CACNA1C: variants seen among roughly 807,000 people sequenced by gnomAD.
CACNA1C encodes the protein calcium voltage-gated channel subunit alpha1 C.
CACNA1C carries 30 observed loss-of-function variants against 229.0 expected under a neutral mutation model. The ratio of observed to expected loss-of-function variants is 0.13; its 90% CI spans 0.10 to 0.18. CACNA1C has a LOEUF of 0.18. Ranked by LOEUF, CACNA1C falls within the 10% of genes least tolerant of loss-of-function variation. The pLI is 1.00. For missense variants in CACNA1C, 1,658 were observed against 2,845.0 expected (o/e 0.58, Z 9.49); for synonymous variants, 1,114 against 1,132.5 (o/e 0.98, Z 0.33).
intron 1 of CACNA1C, among the ~76,000 whole-genome samples, chr12:2,094,327 A>G (rs1030598427): frequency 1.3e-5 from 2 of 152,148 alleles, no homozygotes; most frequent in African/African-American, 4.8e-5. Flanking sequence ...GTCCTAGCCC[A>G]TTAGCCACGT....
chr12:2,223,227 A>C lies in CACNA1C; in HGVS notation c.477+102797A>C, dbSNP rs4765904. ...AGAAGCTGTGTGGTGAATGGGTCCA[A>C]ACATAAGGGTTTGAGCCCCTGTTTT... On this transcript the variant is annotated intron_variant, in intron 3 of 46. Transcript: ENST00000399655. 0.36 allele frequency: 54,388 copies of C among 152,120 alleles called. 10,214 individuals are homozygous for C. The highest frequency in any genetic ancestry group is 0.44 in the African/African-American group (18,418 of 41,472). The allele number at this position is 152,120 out of a possible 1,614,324, so 9.4% of individuals were successfully genotyped here.
At chr12:2,350,324 C>G (rs375281070) in intron 3 of CACNA1C, among the ~76,000 whole-genome samples, 1 of 152,140 alleles carries the variant, frequency 6.6e-6, no homozygotes, top group Admixed American at 6.5e-5. Flanking sequence ...GCTGCTGAAG[C>G]CTTTACTTCC....
intron 3 of CACNA1C, among the ~76,000 whole-genome samples, chr12:2,239,369 G>C (rs1001680972): frequency 3.9e-5 from 6 of 151,984 alleles, no homozygotes; most frequent in African/African-American, 1.5e-4. Context: ...CACACACACA[G>C]GCTTCATCTC....
At chr12:2,356,102 C>A (rs2097353989) in intron 3 of CACNA1C, among the ~76,000 whole-genome samples, 1 of 152,228 alleles carries the variant, frequency 6.6e-6, no homozygotes, top group African/African-American at 2.4e-5. Flanking sequence ...AGCTGCCCTG[C>A]AGATCGTTAG....
rs575804870 is a variant in CACNA1C, at chr12:2,448,807, G to A, written c.478-169G>A. ...ATCCCCAGTAGCTTGGTGCTGTCGC[G>A]GTAGAGCAGGTCGTGGAGTTGCTAA... On this transcript the variant is annotated intron_variant, in intron 3 of 46. Coordinates refer to ENST00000399655, the MANE Select transcript of CACNA1C (RefSeq NM_000719.7). Among the ~76,000 whole-genome samples the A allele has an allele frequency of 4.6e-5, 7 of 151,826 alleles. No individual in the cohort carries two copies. In the East Asian group the frequency reaches 5.8e-4, roughly 13 times the overall value.
chr12:2,033,909 G>GTTCCGAGAGAAGCACTGAC (rs2048657282), intron 1 of CACNA1C, among the ~76,000 whole-genome samples: 1 of 152,246 alleles, frequency 6.6e-6, no homozygotes, highest in African/African-American at 2.4e-5. Flanking sequence ...CTGGCAGCAT[G>GTTCCGAGAGAAGCACTGAC]TTCCGAGAGA....
intron 1 of CACNA1C, among the ~76,000 whole-genome samples, chr12:2,110,103 C>T (rs1290676991): frequency 6.6e-6 from 1 of 152,230 alleles, no homozygotes; most frequent in African/African-American, 2.4e-5. Flanking sequence ...CAGCACCAAG[C>T]CCCTCACTCA....
Position 2,597,113 on chromosome 12 carries a change from AG to A in CACNA1C, c.2794-115del. ...GTCCCTGTGCAAAGGCTTAAGTGCC[AG>A]GCATCTCATTTTGAAGTGTGGCCCC... On this transcript the variant is annotated intron_variant, in intron 20 of 46. Transcript: ENST00000399655. The surrounding 1 kb of genome is among the most constrained non-coding windows in gnomAD (Gnocchi z 4.3). 3 of 705,446 alleles carry A rather than the reference AG, an allele frequency of 4.3e-6. No individual in the cohort carries two copies. 43.7% of individuals were successfully genotyped at this position (705,446 alleles called of 1,614,324 possible).
intron 8 of CACNA1C, among the ~76,000 whole-genome samples, chr12:2,510,385 T>C (rs1469660244): frequency 1.3e-5 from 2 of 152,150 alleles, no homozygotes; most frequent in African/African-American, 4.8e-5. Context: ...CCAGCCATGC[T>C]CCAGATCTGA....
chr12:2,202,334 T>C (rs2097602892), intron 3 of CACNA1C, among the ~76,000 whole-genome samples: 1 of 152,228 alleles, frequency 6.6e-6, no homozygotes, highest in Non-Finnish European at 1.5e-5. Flanking sequence ...TTTGTGTCTT[T>C]TTCCTAATTT....
chr12:2,009,658 G>C (rs573024370), intron 1 of CACNA1C, among the ~76,000 whole-genome samples: 1 of 152,210 alleles, frequency 6.6e-6, no homozygotes, highest in South Asian at 2.1e-4. Context: ...TTTTTGCTAG[G>C]AATTTTATTC....
In CACNA1C at chr12:2,679,887, GC is replaced by G; in HGVS notation, c.5444+93del. On this transcript the variant is annotated intron_variant, in intron 42 of 46. Transcript: ENST00000399655. This position sits in a 1 kb window ranked among gnomAD's most constrained non-coding sequence, Gnocchi z 5.5. Reference sequence around the variant, plus strand: ...GTGGAGGAGACGGAGGCCTCGGCCAGCCACTTGTCCCTCAAGCTTCCAGGAG... The same window carrying G: ...GTGGAGGAGACGGAGGCCTCGGCCAGCACTTGTCCCTCAAGCTTCCAGGAG... 1.1e-6 allele frequency: 1 copy of G among 930,298 alleles called. No individual in the cohort carries two copies. Among genetic ancestry groups the G allele is most frequent in the Non-Finnish European group, 1.6e-6 (1 of 621,906 alleles). The allele number at this position is 930,298 out of a possible 1,614,324, so 57.6% of individuals were successfully genotyped here.
chr12:2,540,915 T>A (rs1191772872), intron 9 of CACNA1C, among the ~76,000 whole-genome samples: 1 of 152,194 alleles, frequency 6.6e-6, no homozygotes, highest in Non-Finnish European at 1.5e-5. Context: ...TTTATCAGTC[T>A]AGAGGCTGGA....
chr12:2,525,022 G>A (rs1182953858), intron 9 of CACNA1C, among the ~76,000 whole-genome samples: 1 of 152,140 alleles, frequency 6.6e-6, no homozygotes, highest in Non-Finnish European at 1.5e-5. Context: ...GAAAGGAAAT[G>A]GAATTGCACA....
intron 9 of CACNA1C, among the ~76,000 whole-genome samples, chr12:2,530,854 C>T (rs1017875559): frequency 1.2e-4 from 19 of 152,166 alleles, no homozygotes; most frequent in African/African-American, 4.6e-4. Flanking sequence ...CTGATGGCCC[C>T]AGAGGGAACA....
At chr12:1,982,868 T>A (rs544928719) in intron 1 of CACNA1C, among the ~76,000 whole-genome samples, 1 of 152,264 alleles carries the variant, frequency 6.6e-6, no homozygotes, top group East Asian at 1.9e-4. Flanking sequence ...GTATTATTCC[T>A]CCCTTGAACA....
In CACNA1C at chr12:2,479,667, A is replaced by G. The variant is rs958577404; in HGVS notation, c.758-6437A>G. On this transcript the variant is annotated intron_variant, in intron 5 of 46. Transcript: ENST00000399655. The surrounding 1 kb of genome is among the most constrained non-coding windows in gnomAD (Gnocchi z 4.3). ...TTAAGGAGCAGCTTTCTAAAACTCC[A>G]TGTCCTGACTCCTGCCCCAGTCTTG... 2.2e-4 allele frequency among the ~76,000 whole-genome samples: 34 copies of G among 152,214 alleles called. No homozygotes were observed. Among genetic ancestry groups the G allele is most frequent in the African/African-American group, 7.7e-4 (32 of 41,460 alleles).
chr12:2,049,178 A>G (rs574590889), upstream of CACNA1C: 13 of 152,336 alleles, frequency 8.5e-5, no homozygotes, highest in South Asian at 2.5e-3. Flanking sequence ...TGCGGTGGTT[A>G]AGAGCGTAGG....
At chr12:2,189,420 A>G (rs972286743) in intron 3 of CACNA1C, among the ~76,000 whole-genome samples, 1 of 152,218 alleles carries the variant, frequency 6.6e-6, no homozygotes, top group African/African-American at 2.4e-5. Context: ...AGGCTGGAGA[A>G]AACCTTGCAC....
Sources: allele counts gnomAD v4.1 joint callset (sites outside exome capture counted in the v4.1 genomes callset), GRCh38; gene constraint gnomAD v4.1.1; non-coding constraint Gnocchi (gnomAD v3.1); transcripts MANE v1.5; gene names NCBI Gene and HGNC (gene_info 2026-07-23, HGNC 2026-07-21).